PRELID2: variants seen among roughly 807,000 people sequenced by gnomAD.
The protein encoded by PRELID2 is PRELI domain containing 2.
In PRELID2, 25 loss-of-function variants were observed where a neutral mutation model predicts 28.4. The observed-to-expected ratio is 0.88, with a 90% CI of 0.64 to 1.23. PRELID2 has a LOEUF of 1.23. PRELID2 is among the 50% of genes most tolerant of loss of function. The pLI is 0.00. For synonymous variants in PRELID2, 76 were observed against 71.6 expected, an observed-to-expected ratio of 1.06 and a Z score of -0.31; for missense variants, 201 against 214.4, an observed-to-expected ratio of 0.94 and a Z score of 0.39.
the PRELID2 span, among the ~76,000 whole-genome samples, chr5:145,344,515 A>C: frequency 6.6e-6 from 1 of 152,072 alleles, no homozygotes; most frequent in East Asian, 1.9e-4. Context: ...TTATATTATA[A>C]ACCATGCTTT....
At chr5:145,406,267 A>G in the PRELID2 span, among the ~76,000 whole-genome samples, 1 of 152,174 alleles carries the variant, frequency 6.6e-6, no homozygotes, top group South Asian at 2.1e-4. Context: ...TAGTTTTGCA[A>G]TTTGTCAGAG....
At chr5:145,230,596 A>G in the PRELID2 span, among the ~76,000 whole-genome samples, 1 of 152,156 alleles carries the variant, frequency 6.6e-6, no homozygotes, top group Non-Finnish European at 1.5e-5. Context: ...TAAAAAAAAG[A>G]AAAGAAAAAA....
At chr5:145,442,530 G>A in the PRELID2 span, among the ~76,000 whole-genome samples, 1 of 152,060 alleles carries the variant, frequency 6.6e-6, no homozygotes, top group Non-Finnish European at 1.5e-5. Context: ...GTCAAGGGGT[G>A]TCACCGCCTT....
the PRELID2 span, among the ~76,000 whole-genome samples, chr5:145,240,468 A>T: frequency 6.6e-6 from 1 of 152,038 alleles, no homozygotes; most frequent in Non-Finnish European, 1.5e-5. Context: ...AATAGTAAAT[A>T]AACATACTTT....
intron 1 of PRELID2, among the ~76,000 whole-genome samples, chr5:145,588,823 C>T (rs556062698): frequency 2.0e-5 from 3 of 151,882 alleles, no homozygotes; most frequent in African/African-American, 2.4e-5. Flanking sequence ...GAAGTGAAGC[C>T]CTGCAATGAC....
chr5:145,391,495 C>T, the PRELID2 span, among the ~76,000 whole-genome samples: 8 of 152,298 alleles, frequency 5.3e-5, no homozygotes, highest in Non-Finnish European at 1.0e-4. Flanking sequence ...GCAGAAGGAT[C>T]GCATGGCCTG....
chr5:145,743,488 C>T (rs1434532107), intron 1 of PRELID2, among the ~76,000 whole-genome samples: 1 of 151,180 alleles, frequency 6.6e-6, no homozygotes, highest in Non-Finnish European at 1.5e-5. Context: ...TCACTGGCAA[C>T]CAAGGTATCC....
At chr5:145,355,589 C>T in the PRELID2 span, among the ~76,000 whole-genome samples, 2 of 152,084 alleles carry the variant, frequency 1.3e-5, no homozygotes, top group South Asian at 2.1e-4. Flanking sequence ...ATACCCATAC[C>T]TATGTTTACC....
At chr5:145,235,469 G>A in the PRELID2 span, among the ~76,000 whole-genome samples, 1 of 152,164 alleles carries the variant, frequency 6.6e-6, no homozygotes, top group Non-Finnish European at 1.5e-5. Context: ...TGGCTGGAAG[G>A]TCTCAGGGAA....
chr5:145,418,878 C>A, the PRELID2 span, among the ~76,000 whole-genome samples: 5 of 142,842 alleles, frequency 3.5e-5, no homozygotes, highest in Admixed American at 7.1e-5. Flanking sequence ...ATCCCTCCCC[C>A]CTACCCCCAC....
rs555624767 is a variant in PRELID2, at chr5:145,793,484, G to GA, written c.474+2957dup. Among the ~76,000 whole-genome samples the GA allele has an allele frequency of 9.9e-4, 150 of 152,034 alleles. 1 individual carries two copies. The highest frequency in any genetic ancestry group is 1.6e-3 in the Non-Finnish European group (110 of 67,960). Reference sequence around the variant, plus strand: ...TTATCAGGAAGTCAGGCTGATACCAGAAAAAATGACCACTTGGATAAAACA... The same window carrying GA: ...TTATCAGGAAGTCAGGCTGATACCAGAAAAAAATGACCACTTGGATAAAACA... On this transcript the variant is annotated intron_variant, in intron 5 of 6. Transcript: ENST00000683046.
At chr5:145,643,926 T>C (rs1399899159) in intron 1 of PRELID2, among the ~76,000 whole-genome samples, 1 of 152,228 alleles carries the variant, frequency 6.6e-6, no homozygotes, top group Non-Finnish European at 1.5e-5. Flanking sequence ...AGTATTTTAT[T>C]GAGGATTTTT....
At chr5:145,796,896 C>A (rs1216133766) in intron 4 of PRELID2, among the ~76,000 whole-genome samples, 1 of 152,056 alleles carries the variant, frequency 6.6e-6, no homozygotes, top group African/African-American at 2.4e-5. Context: ...CTTTCTTTTA[C>A]AACTACTGTG....
intron 5 of PRELID2, among the ~76,000 whole-genome samples, chr5:145,784,945 A>G (rs539258263): frequency 7.9e-5 from 12 of 152,162 alleles, no homozygotes; most frequent in Non-Finnish European, 1.3e-4. Context: ...TTGAAAATGA[A>G]TATTTAGTAA....
chr5:145,246,411 G>C, the PRELID2 span, among the ~76,000 whole-genome samples: 1 of 152,074 alleles, frequency 6.6e-6, no homozygotes, highest in Non-Finnish European at 1.5e-5. Flanking sequence ...GGAAGAGAGT[G>C]ATAAATATGT....
At chr5:145,710,768 T>A (rs1423453291) in intron 1 of PRELID2, among the ~76,000 whole-genome samples, 4 of 152,124 alleles carry the variant, frequency 2.6e-5, no homozygotes, top group African/African-American at 9.7e-5. Flanking sequence ...GTAGCAGAAA[T>A]GAATAAGGGA....
At chr5:145,256,491 C>A in the PRELID2 span, among the ~76,000 whole-genome samples, 33 of 151,930 alleles carry the variant, frequency 2.2e-4, 1 homozygote, top group African/African-American at 8.0e-4. Context: ...CAATTAATAA[C>A]CTTAATTTTA....
chr5:145,586,708 G>A (rs573369504), intron 1 of PRELID2, among the ~76,000 whole-genome samples: 3 of 152,174 alleles, frequency 2.0e-5, no homozygotes, highest in South Asian at 4.1e-4. Flanking sequence ...TGAGCATGAG[G>A]TAGGTCAGAC....
the PRELID2 span, among the ~76,000 whole-genome samples, chr5:145,272,070 T>A: frequency 6.9e-6 from 1 of 145,686 alleles, no homozygotes; most frequent in Non-Finnish European, 1.5e-5. Flanking sequence ...TGGAGACATA[T>A]TGGATGGCAA....
Sources: allele counts gnomAD v4.1 joint callset (sites outside exome capture counted in the v4.1 genomes callset), GRCh38; gene constraint gnomAD v4.1.1; transcripts MANE v1.5; gene names NCBI Gene and HGNC (gene_info 2026-07-23, HGNC 2026-07-21).